The following GLDC variants were observed in gnomAD, a reference collection of about 807,000 sequenced individuals.
GLDC encodes glycine dehydrogenase (decarboxylating), mitochondrial.
GLDC carries 104 observed loss-of-function variants against 121.3 expected under a neutral mutation model. The observed-to-expected ratio is 0.86, with a 90% CI of 0.73 to 1.01. The LOEUF (loss-of-function observed/expected upper bound fraction) is 1.01. Ranked by LOEUF, GLDC falls within the 50% of genes least tolerant of loss-of-function variation. The pLI is 0.00. For missense variants in GLDC, 1,429 were observed against 1,306.6 expected (o/e 1.09, Z -1.44); for synonymous variants, 546 against 480.6 (o/e 1.14, Z -1.78).
At chr9:6,539,845 T>A (rs1817218484) in intron 22 of GLDC, among the ~76,000 whole-genome samples, 1 of 152,216 alleles carries the variant, frequency 6.6e-6, no homozygotes. Flanking sequence ...GGATTCAAGA[T>A]GCATATTTTA....
intron 2 of GLDC, among the ~76,000 whole-genome samples, chr9:6,628,100 T>C (rs143076308): frequency 2.0e-5 from 3 of 152,310 alleles, no homozygotes; most frequent in African/African-American, 4.8e-5. Flanking sequence ...TTAAGGGACA[T>C]GATGATGTCT....
At chr9:6,551,813 G>C (rs1279235255) in intron 20 of GLDC, among the ~76,000 whole-genome samples, 1 of 152,186 alleles carries the variant, frequency 6.6e-6, no homozygotes, top group Non-Finnish European at 1.5e-5. Context: ...AGTGGATGTA[G>C]GGCAAGGTGA....
chr9:6,618,499 G>A (rs758174289), intron 3 of GLDC, among the ~76,000 whole-genome samples: 11 of 151,990 alleles, frequency 7.2e-5, no homozygotes, highest in African/African-American at 2.4e-4. Context: ...TAGAGACAGG[G>A]TTTTTCCATG....
intron 2 of GLDC, among the ~76,000 whole-genome samples, chr9:6,642,249 C>A (rs373020342): frequency 5.9e-5 from 9 of 152,104 alleles, no homozygotes; most frequent in African/African-American, 2.2e-4. Flanking sequence ...ATTTATATGG[C>A]ATGGGCATGG....
chr9:6,543,317 G>A (rs949299421), intron 21 of GLDC, among the ~76,000 whole-genome samples: 1 of 152,120 alleles, frequency 6.6e-6, no homozygotes, highest in African/African-American at 2.4e-5. Context: ...ATTGGAGGAC[G>A]AAGGCTAATG....
At chr9:6,582,778 G>T (rs1323140611) in intron 15 of GLDC, among the ~76,000 whole-genome samples, 1 of 150,246 alleles carries the variant, frequency 6.7e-6, no homozygotes, top group African/African-American at 2.5e-5. Context: ...GCAGTGAGCC[G>T]ATATCGCGCC....
chr9:6,563,228 C>A (rs1420085766), intron 16 of GLDC, among the ~76,000 whole-genome samples: 1 of 152,246 alleles, frequency 6.6e-6, no homozygotes, highest in African/African-American at 2.4e-5. Flanking sequence ...TGGTCCCCAG[C>A]TGCTGGACAT....
chr9:6,602,318 T>G lies in GLDC; in HGVS notation c.1059-113A>C. The G allele has an allele frequency of 2.7e-6, 2 of 729,964 alleles. 1 individual carries two copies. Among genetic ancestry groups the G allele is most frequent in the South Asian group, 2.9e-5 (2 of 69,598 alleles). The allele number at this position is 729,964 out of a possible 1,614,324, so 45.2% of individuals were successfully genotyped here. On this transcript the variant is annotated intron_variant, in intron 7 of 24. Transcript: ENST00000321612. ...TTGAAGTGAATTCAGCAAATGCACT[T>G]GGGTGCAAATTTATAAAGAAACAAT...
intron 15 of GLDC, among the ~76,000 whole-genome samples, chr9:6,580,836 C>A (rs757104523): frequency 6.6e-6 from 1 of 152,200 alleles, no homozygotes; most frequent in Non-Finnish European, 1.5e-5. Flanking sequence ...AAGGCACTGG[C>A]ATCTCTTCTT....
intron 15 of GLDC, among the ~76,000 whole-genome samples, chr9:6,568,052 T>A (rs1817885378): frequency 1.3e-5 from 2 of 152,238 alleles, no homozygotes; most frequent in Non-Finnish European, 2.9e-5. Flanking sequence ...GTTTTTCTCA[T>A]GAATTCTATT....
intron 15 of GLDC, among the ~76,000 whole-genome samples, chr9:6,572,626 C>T (rs899309002): frequency 7.2e-5 from 11 of 152,148 alleles, no homozygotes; most frequent in East Asian, 3.8e-4. Context: ...TCTGGATGGA[C>T]AGACCAAAGG....
chr9:6,592,351 T>C, intron 10 of GLDC, 128 bp from the exon 11 acceptor site: 1 of 719,880 alleles, frequency 1.4e-6, no homozygotes. Flanking sequence ...CAGGGTACAA[T>C]TATCTCCACG....
chr9:6,549,264 A>G (rs1392389569), intron 21 of GLDC, among the ~76,000 whole-genome samples: 1 of 151,664 alleles, frequency 6.6e-6, no homozygotes, highest in Non-Finnish European at 1.5e-5. Flanking sequence ...AGAGAAACAA[A>G]GCAGGCGCAG....
rs184936909 is a variant in GLDC at position 6,621,350 on chromosome 9, A to T, written c.335-1031T>A. ...GACATTTATTGAACATTATTCCACC[A>T]GGAATTGTACCATATGCTTTTCGCA... On this transcript the variant is annotated intron_variant, in intron 2 of 24. Coordinates refer to ENST00000321612, the MANE Select transcript of GLDC (RefSeq NM_000170.3). Among the ~76,000 whole-genome samples, 29 of 152,328 alleles carry T rather than the reference A, an allele frequency of 1.9e-4. No individual in the cohort carries two copies. The East Asian group carries it at 5.4e-3, about 28-fold the overall frequency.
At chr9:6,602,003 C>T (rs1818620549) in intron 8 of GLDC, 106 bp downstream of exon 8, 6 of 765,956 alleles carry the variant, frequency 7.8e-6, no homozygotes, top group Non-Finnish European at 1.4e-5. Context: ...CTGGTGTGCT[C>T]ACTGCTCAGG....
rs769404917 is a variant in GLDC, at chr9:6,556,260, A to T, written c.2095T>A (p.Tyr699Asn). 1 of 1,612,708 alleles carries T rather than the reference A, an allele frequency of 6.2e-7. No individual in the cohort carries two copies. The change falls in exon 18 of 25, where the codon TAC becomes AAC. Residue 699 changes from tyrosine (Y) to asparagine (N), a missense_variant. By Grantham distance (143) the Tyr-to-Asn change is moderately radical (BLOSUM62 -2). Coordinates refer to ENST00000321612, the MANE Select transcript of GLDC (RefSeq NM_000170.3). ...TCAAACACCCCATTGGTGGATGGGT[A>T]TGTAATCATGATAGCTGCTAGGTTC... The part of the protein sequence containing the change: ...KENLAAIMIT[Y>N]PSTNGVFEEN...
At chr9:6,615,206 T>G (rs1247677461) in intron 3 of GLDC, among the ~76,000 whole-genome samples, 1 of 152,158 alleles carries the variant, frequency 6.6e-6, no homozygotes, top group African/African-American at 2.4e-5. Context: ...CAACTGTAAA[T>G]TAGCATCTGT....
chr9:6,541,459 T>C (rs970714447), intron 21 of GLDC: 1 of 152,202 alleles, frequency 6.6e-6, no homozygotes, highest in African/African-American at 2.4e-5. Flanking sequence ...CTGTGAAGAA[T>C]AGCTCCAGTA....
At chr9:6,643,757 G>A (rs892298912) in intron 2 of GLDC, among the ~76,000 whole-genome samples, 1 of 151,726 alleles carries the variant, frequency 6.6e-6, no homozygotes, top group Non-Finnish European at 1.5e-5. Context: ...TTCGGGGTAG[G>A]GCACAGTGAC....
Sources: allele counts gnomAD v4.1 joint callset (sites outside exome capture counted in the v4.1 genomes callset), GRCh38; gene constraint gnomAD v4.1.1; transcripts MANE v1.5; gene names NCBI Gene and HGNC (gene_info 2026-07-23, HGNC 2026-07-21).